Variants in CYP4F2 observed in about 807,000 individuals in gnomAD.
CYP4F2 encodes cytochrome P450 4F2.
Under a neutral mutation model 58.9 loss-of-function variants are expected in CYP4F2, and 58 were observed. The ratio of observed to expected loss-of-function variants is 0.98; its 90% confidence interval spans 0.80 to 1.23. The LOEUF (loss-of-function observed/expected upper bound fraction) is 1.23. Among genes scored for constraint, CYP4F2 ranks in the 50% most tolerant of loss-of-function variants. CYP4F2 has a pLI of 0.00. For missense variants in CYP4F2, 616 were observed against 685.6 expected (o/e 0.90, Z 1.13); for synonymous variants, 287 against 261.1 (o/e 1.10, Z -0.95).
At position 15,892,576 on chromosome 19, in the gene CYP4F2, A is replaced by G. The variant is rs1395556513; in HGVS notation, c.350T>C (p.Ile117Thr). 5 of 1,613,836 alleles carry G rather than the reference A, an allele frequency of 3.1e-6. No homozygotes were observed. The highest frequency in any genetic ancestry group is 4.2e-6 in the Non-Finnish European group (5 of 1,179,912). Residue 117 changes from isoleucine (I) to threonine (T), a missense_variant, in exon 4 of 13, where the codon ATT becomes ACT. Physicochemically the swap from Ile to Thr is moderately conservative, Grantham distance 89. Coordinates refer to ENST00000221700, the MANE Select transcript of CYP4F2 (RefSeq NM_001082.5). ...IRSVINASAAIAPKDKFFYSF... is the reference protein window; with the variant it reads ...IRSVINASAATAPKDKFFYSF... ...GTAGAAGAACTTGTCCTTTGGTGCA[A>G]TGGCAGCTGACATAAATGAGGACAA...
chr19:15,885,630 G>A (rs533646666), intron 9 of CYP4F2, among the ~76,000 whole-genome samples: 2 of 150,000 alleles, frequency 1.3e-5, no homozygotes, highest in South Asian at 4.3e-4. Flanking sequence ...ATTTCTGGGA[G>A]GAAAGGAAGA....
chr19:15,890,380 C>T lies in CYP4F2; in HGVS notation c.579G>A (p.Glu193=), dbSNP rs373314104. 144 of 1,614,030 alleles carry T rather than the reference C, an allele frequency of 8.9e-5. No homozygotes were observed. The highest frequency in any genetic ancestry group is 3.3e-5 in the Admixed American group (2 of 60,006). Residue 193 remains glutamate, a synonymous_variant, in exon 6 of 13, where the codon GAG becomes GAA. Coordinates refer to ENST00000221700, the MANE Select transcript of CYP4F2 (RefSeq NM_001082.5). ...TGTCCAAGGTCATGAGGCTGATGTG[C>T]TCAAACATATCCAAACAGGCACTAC... ...SEGSACLDMF[E]HISLMTLDSL...
At chr19:15,880,782 T>C (rs2089340090) in intron 9 of CYP4F2, among the ~76,000 whole-genome samples, 1 of 152,178 alleles carries the variant, frequency 6.6e-6, no homozygotes, top group Admixed American at 6.5e-5. Flanking sequence ...TAAAACAATG[T>C]CCATCAAAAG....
At chr19:15,886,346 C>T (rs745886259) in intron 7 of CYP4F2, 38 bp from the exon 8 acceptor site, 1 of 1,611,696 alleles carries the variant, frequency 6.2e-7, no homozygotes, top group Non-Finnish European at 8.5e-7. Context: ...ACCCCCACCC[C>T]CATAAAAAGT....
chr19:15,888,229 C>T (rs974686472), intron 7 of CYP4F2, among the ~76,000 whole-genome samples: 3 of 151,956 alleles, frequency 2.0e-5, no homozygotes, highest in Admixed American at 1.3e-4. Context: ...GACTTAGAAA[C>T]ACAGGCACAC....
chr19:15,879,273 C>T, intron 12 of CYP4F2, 73 bp downstream of exon 12: 1 of 1,546,684 alleles, frequency 6.5e-7, no homozygotes, highest in Non-Finnish European at 8.8e-7. Flanking sequence ...CAATGTCCCC[C>T]TTTTCCCCAC....
chr19:15,895,049 C>T (rs544069987), intron 3 of CYP4F2, among the ~76,000 whole-genome samples: 1 of 152,262 alleles, frequency 6.6e-6, no homozygotes, highest in African/African-American at 2.4e-5. Context: ...TGTCCAATTG[C>T]CTCACCCTGC....
In CYP4F2 at chr19:15,878,150, A is replaced by G. The variant is rs2089317176; in HGVS notation, c.*621T>C. 1 of 152,250 alleles carries G rather than the reference A, an allele frequency of 6.6e-6. No homozygotes were observed. The highest frequency in any genetic ancestry group is 6.5e-5 in the Admixed American group (1 of 15,280). 9.4% of individuals were successfully genotyped at this position (152,250 alleles called of 1,614,324 possible). On this transcript the variant is annotated 3_prime_UTR_variant, in exon 13 of 13. Transcript: ENST00000221700. Reference sequence around the variant, plus strand: ...AATTTTTTTGATTGAGGTAGAATTCACATACCACGAAATTCACCATTTCAA... The same window carrying G: ...AATTTTTTTGATTGAGGTAGAATTCGCATACCACGAAATTCACCATTTCAA...
intron 9 of CYP4F2, among the ~76,000 whole-genome samples, chr19:15,884,585 C>T (rs1270808052): frequency 6.6e-6 from 1 of 152,174 alleles, no homozygotes; most frequent in Non-Finnish European, 1.5e-5. Flanking sequence ...TAGATTATCA[C>T]ATGTATTTCA....
At chr19:15,892,288 C>A (rs746392149) in intron 5 of CYP4F2, 21 bp downstream of exon 5, 2 of 1,614,064 alleles carry the variant, frequency 1.2e-6, no homozygotes, top group Non-Finnish European at 1.7e-6. Flanking sequence ...GCAAGTGGGA[C>A]CTTGGCTTCA....
chr19:15,892,233 A>G, intron 5 of CYP4F2, 76 bp downstream of exon 5: 1 of 1,594,376 alleles, frequency 6.3e-7, no homozygotes. Flanking sequence ...CAGCAGAGCC[A>G]AAACTCCAGA....
intron 2 of CYP4F2, among the ~76,000 whole-genome samples, chr19:15,896,431 T>C (rs1392106495): frequency 6.6e-6 from 1 of 152,180 alleles, no homozygotes; most frequent in African/African-American, 2.4e-5. Context: ...AAGGATTTTC[T>C]TTTTCTGGGA....
Position 15,897,434 on chromosome 19 carries a change from A to G in CYP4F2, c.178T>C (p.Phe60Leu), listed in dbSNP as rs2089454172. The G allele has an allele frequency of 5.6e-6, 9 of 1,612,252 alleles. No individual in the cohort carries two copies. The South Asian group carries it at 9.9e-5, about 18-fold the overall frequency. Residue 60 changes from phenylalanine to leucine, a missense_variant, in exon 2 of 13, where the codon TTT becomes CTT. Transcript: ENST00000221700. Reference sequence around the variant, plus strand: ...CTCACCATGCCCTGGTGTCCCCAAAACCAGTTCCGTCTTGGGGGTTGTGGG... The same window carrying G: ...CTCACCATGCCCTGGTGTCCCCAAAGCCAGTTCCGTCTTGGGGGTTGTGGG... The part of the protein sequence containing the change: ...CFPQPPRRNW[F>L]WGHQGMVNPT...
In CYP4F2 at chr19:15,890,405, C is replaced by T; in HGVS notation, c.554G>A (p.Gly185Asp). The part of the protein sequence containing the change: ...HAKWQLLASE[G>D]SACLDMFEHI... ...CTCAAACATATCCAAACAGGCACTA[C>T]CCTCTGAGGCCAGGAGCTGCCACTT... Residue 185 changes from glycine (G) to aspartate (D), a missense_variant, in exon 6 of 13, where the codon GGT (glycine) becomes GAT (aspartate). Gly to Asp is a moderately conservative substitution (Grantham distance 94). Coordinates refer to ENST00000221700, the MANE Select transcript of CYP4F2 (RefSeq NM_001082.5). The T allele has an allele frequency of 1.2e-6, 2 of 1,614,022 alleles. No homozygotes were observed. The highest frequency in any genetic ancestry group is 1.7e-6 in the Non-Finnish European group (2 of 1,179,972).
intron 12 of CYP4F2, 142 bp from the exon 13 acceptor site, chr19:15,879,078 A>T (rs2089325596): frequency 1.8e-5 from 25 of 1,376,808 alleles, no homozygotes; most frequent in Non-Finnish European, 2.3e-5. Context: ...CTGGATCCCC[A>T]TGCGGGCTTG....
Position 15,895,792 on chromosome 19 carries a change from C to A in CYP4F2, c.199-142G>T, listed in dbSNP as rs568739261. ...TATTCATCCTATCTATCTAATTTTT[C>A]TATCTATATATCTATCTGCCTACCC... On this transcript the variant is annotated intron_variant, in intron 2 of 12. Transcript: ENST00000221700. 85 of 1,046,700 alleles carry A rather than the reference C, an allele frequency of 8.1e-5. 1 individual carries two copies. In the South Asian group the frequency reaches 1.4e-3, roughly 18 times the overall value. The allele number at this position is 1,046,700 out of a possible 1,614,324, so 64.8% of individuals were successfully genotyped here.
At chr19:15,886,897 G>A (rs2089383666) in intron 7 of CYP4F2, among the ~76,000 whole-genome samples, 1 of 152,068 alleles carries the variant, frequency 6.6e-6, no homozygotes. Flanking sequence ...ATAATGTAGG[G>A]CCCCTCTCTT....
chr19:15,888,291 T>A (rs1448556093), intron 7 of CYP4F2, among the ~76,000 whole-genome samples: 1 of 142,774 alleles, frequency 7.0e-6, no homozygotes, highest in Non-Finnish European at 1.5e-5. Flanking sequence ...CGCACACACA[T>A]AGATGAAGTC....
rs1272 is a variant in CYP4F2, at chr19:15,878,230, C to G, written c.*541G>C. 33,745 of 152,540 alleles carry G rather than the reference C, an allele frequency of 0.22. 3,927 individuals carry two copies. The highest frequency in any genetic ancestry group is 0.28 in the Middle Eastern group (81 of 294). 9.4% of individuals were successfully genotyped at this position (152,540 alleles called of 1,614,324 possible). A position where few individuals can be genotyped will look rare whatever the true frequency, so the allele number is the denominator to read the frequency against. ...TCACAGTGTCGTGCTACCTTCGTCACTATCTAGGTCCGGAACATTTTCACC... is the reference window on the plus strand; with the variant it reads ...TCACAGTGTCGTGCTACCTTCGTCAGTATCTAGGTCCGGAACATTTTCACC... On this transcript the variant is annotated 3_prime_UTR_variant, in exon 13 of 13. Transcript: ENST00000221700.
Sources: gnomAD v4.1 joint callset for allele counts (sites outside exome capture counted in the v4.1 genomes callset) on GRCh38, gnomAD v4.1.1 for gene constraint, MANE v1.5 for transcripts, NCBI Gene and HGNC (gene_info 2026-07-23, HGNC 2026-07-21) for gene names.